The following MROH7 variants were observed in gnomAD, a reference collection of about 807,000 sequenced individuals.
MROH7 encodes the protein maestro heat-like repeat-containing protein family member 7.
A neutral mutation model predicts 129.2 loss-of-function variants in MROH7; 113 were observed. The observed-to-expected ratio is 0.87, with a 90% CI of 0.75 to 1.02. MROH7 has a LOEUF of 1.02. Ranked by LOEUF, MROH7 falls within the 50% of genes least tolerant of loss-of-function variation. The pLI is 0.00. For missense variants in MROH7, 1,601 were observed against 1,671.3 expected (o/e 0.96, Z 0.73); for synonymous variants, 655 against 667.9 (o/e 0.98, Z 0.30).
chr1:54,653,005 C>T lies in MROH7; in HGVS notation c.79C>T (p.Pro27Ser), dbSNP rs1295180098. 6.2e-7 allele frequency: 1 copy of T among 1,613,952 alleles called. No individual in the cohort carries two copies. ...MTPSPPSCGA[P>S]GLGSGTIPQP... ...ACCAAGTCCCCCCTCCTGTGGGGCCCCGGGATTAGGGTCTGGTACCATCCC... is the reference window on the plus strand; with the variant it reads ...ACCAAGTCCCCCCTCCTGTGGGGCCTCGGGATTAGGGTCTGGTACCATCCC... The change falls in exon 3 of 24, where the codon CCG becomes TCG. Residue 27 changes from proline to serine, a missense_variant. By Grantham distance (74) the Pro-to-Ser change is moderately conservative (BLOSUM62 -1). Transcript: ENST00000421030.
At chr1:54,705,399 TGGG>T (rs1451541679) in intron 21 of MROH7, among the ~76,000 whole-genome samples, 1 of 152,174 alleles carries the variant, frequency 6.6e-6, no homozygotes, top group Non-Finnish European at 1.5e-5. Flanking sequence ...CCCCTTCTCT[TGGG>T]GGAGCCCGAG....
chr1:54,650,107 AAC>A (rs1393517998), intron 1 of MROH7, among the ~76,000 whole-genome samples: 2 of 152,198 alleles, frequency 1.3e-5, no homozygotes, highest in African/African-American at 4.8e-5. Flanking sequence ...AGAGGAATAA[AAC>A]AAGTAGCTAC....
At chr1:54,675,617 A>C (rs1396492930) in intron 10 of MROH7, among the ~76,000 whole-genome samples, 1 of 140,066 alleles carries the variant, frequency 7.1e-6, no homozygotes, top group Non-Finnish European at 1.5e-5. Context: ...TTTTTTTTTG[A>C]GACAGAGTCT....
intron 23 of MROH7, 32 bp downstream of exon 23, chr1:54,709,108 G>C (rs1181726620): frequency 6.2e-7 from 1 of 1,606,636 alleles, no homozygotes. Flanking sequence ...TGAAATTTCA[G>C]GGGACAGTGA....
At chr1:54,699,212 T>C (rs1645391411) in intron 17 of MROH7, 1 of 137,680 alleles carries the variant, frequency 7.3e-6, no homozygotes, top group Non-Finnish European at 1.6e-5. Context: ...TTTCTCTCCC[T>C]CTCTTTCTTT....
At chr1:54,646,960 A>T (rs1702016) in intron 1 of MROH7, among the ~76,000 whole-genome samples, 1 of 152,002 alleles carries the variant, frequency 6.6e-6, no homozygotes, top group African/African-American at 2.4e-5. Context: ...TCCATGTTTC[A>T]CATGCATGAG....
chr1:54,671,449 C>G (rs1644902969), intron 7 of MROH7, among the ~76,000 whole-genome samples: 2 of 152,190 alleles, frequency 1.3e-5, no homozygotes, highest in Admixed American at 6.5e-5. Flanking sequence ...GGGCCCTGCC[C>G]TATGGGAGGG....
chr1:54,649,349 CA>C (rs1394091753), intron 1 of MROH7, among the ~76,000 whole-genome samples: 1 of 152,252 alleles, frequency 6.6e-6, no homozygotes, highest in Non-Finnish European at 1.5e-5. Context: ...GGCCAACAGG[CA>C]GTTTGTGGCT....
At chr1:54,694,912 C>T (rs1569972883) in intron 16 of MROH7, among the ~76,000 whole-genome samples, 1 of 152,224 alleles carries the variant, frequency 6.6e-6, no homozygotes, top group African/African-American at 2.4e-5. Flanking sequence ...CATTTTCTAG[C>T]TCTGTGACCG....
At chr1:54,656,152 C>T (rs942307567) in intron 3 of MROH7, among the ~76,000 whole-genome samples, 1 of 151,846 alleles carries the variant, frequency 6.6e-6, no homozygotes, top group Non-Finnish European at 1.5e-5. Context: ...CCTCAGCCGC[C>T]CAAAGTGCTG....
chr1:54,668,411 T>C (rs1322422174), intron 4 of MROH7, among the ~76,000 whole-genome samples: 1 of 152,192 alleles, frequency 6.6e-6, no homozygotes, highest in African/African-American at 2.4e-5. Context: ...TTTTCCTTCT[T>C]CTCCCTTAAC....
At chr1:54,649,730 T>A (rs1644526579) in intron 1 of MROH7, among the ~76,000 whole-genome samples, 1 of 152,246 alleles carries the variant, frequency 6.6e-6, no homozygotes, top group Non-Finnish European at 1.5e-5. Context: ...CTTTGGTGAC[T>A]ATGGTCCTGT....
chr1:54,676,702 T>C (rs939531546), intron 10 of MROH7, among the ~76,000 whole-genome samples: 1 of 150,464 alleles, frequency 6.6e-6, no homozygotes, highest in Non-Finnish European at 1.5e-5. Flanking sequence ...GCCCAGCTTA[T>C]TTAATTTTTC....
chr1:54,667,013 G>A (rs554959165), intron 4 of MROH7, among the ~76,000 whole-genome samples: 115 of 152,222 alleles, frequency 7.6e-4, no homozygotes, highest in Non-Finnish European at 2.6e-4. Context: ...ATATTGTGGG[G>A]TATCAGTTTC....
chr1:54,674,904 G>T (rs1644957795), intron 10 of MROH7, among the ~76,000 whole-genome samples: 1 of 152,178 alleles, frequency 6.6e-6, no homozygotes, highest in African/African-American at 2.4e-5. Flanking sequence ...TTAGTGGTGT[G>T]ACCTCAGGTA....
At chr1:54,700,049 G>A (rs940903786) in intron 17 of MROH7, 7 of 661,368 alleles carry the variant, frequency 1.1e-5, no homozygotes, top group African/African-American at 8.9e-5. Flanking sequence ...CTGGAGGGTG[G>A]GCACGCTGCT....
intron 19 of MROH7, 36 bp from the exon 20 acceptor site, chr1:54,702,054 A>C: frequency 6.6e-7 from 1 of 1,517,070 alleles, no homozygotes; most frequent in Admixed American, 1.9e-5. Flanking sequence ...GGCGTCCCAG[A>C]GGAGGGACCC....
chr1:54,700,236 C>T (rs1557728236), intron 17 of MROH7, 85 bp from the exon 18 acceptor site: 1 of 1,558,828 alleles, frequency 6.4e-7, no homozygotes, highest in Non-Finnish European at 8.8e-7. Context: ...AGCCTGGTAT[C>T]CAATGTGCAA....
chr1:54,699,847 G>A, intron 17 of MROH7: 1 of 492,786 alleles, frequency 2.0e-6, no homozygotes, highest in East Asian at 3.2e-5. Context: ...TGAGGCCAGG[G>A]GCAGTGTCAA....
Sources: gnomAD v4.1 joint callset for allele counts (sites outside exome capture counted in the v4.1 genomes callset) on GRCh38, gnomAD v4.1.1 for gene constraint, MANE v1.5 for transcripts, NCBI Gene and HGNC (gene_info 2026-07-23, HGNC 2026-07-21) for gene names.